CAPS2: variants seen among roughly 807,000 people sequenced by gnomAD.
CAPS2 encodes calcyphosine 2, also known as calcyphosin-2.
A neutral mutation model predicts 86.5 loss-of-function variants in CAPS2; 98 were observed. That is an observed-to-expected ratio of 1.13 (90% CI 0.96 to 1.34). CAPS2 has a LOEUF of 1.34. Ranked by LOEUF, CAPS2 falls within the 40% of genes most tolerant of loss-of-function variation. The probability of loss-of-function intolerance (pLI) is 0.00; values close to 1 mark genes in which losing one functional copy is unlikely to be tolerated. For missense variants in CAPS2, 729 were observed against 686.8 expected, an observed-to-expected ratio of 1.06 and a Z score of -0.69; for synonymous variants, 210 against 225.1, an observed-to-expected ratio of 0.93 and a Z score of 0.60.
chr12:75,309,945 G>A (rs1195940462), intron 7 of CAPS2, among the ~76,000 whole-genome samples: 23 of 152,158 alleles, frequency 1.5e-4, no homozygotes, highest in Admixed American at 1.5e-3. Context: ...AAGACATAGA[G>A]AAGGAAAATA....
intron 7 of CAPS2, among the ~76,000 whole-genome samples, chr12:75,311,756 A>G (rs187633695): frequency 4.3e-4 from 63 of 147,400 alleles, no homozygotes; most frequent in African/African-American, 1.5e-3. Context: ...CCTCAAAGAA[A>G]ATAAGGTTTC....
intron 15 of CAPS2, 61 bp from the exon 16 acceptor site, chr12:75,282,408 ACAGAGTCTCG>A: frequency 1.8e-6 from 2 of 1,104,762 alleles, no homozygotes; most frequent in Non-Finnish European, 2.8e-6. Context: ...TTGCTTTGAG[ACAGAGTCTCG>A]CTCTGTCACC....
chr12:75,325,193 T>C (rs764260073), intron 2 of CAPS2, 46 bp downstream of exon 3: 2 of 1,510,944 alleles, frequency 1.3e-6, no homozygotes, highest in Admixed American at 2.3e-5. Context: ...ATGTATGTTA[T>C]ATATGTGCCC....
upstream of CAPS2, among the ~76,000 whole-genome samples, chr12:75,328,193 T>C (rs2040965718): frequency 6.6e-6 from 1 of 152,190 alleles, no homozygotes; most frequent in Non-Finnish European, 1.5e-5. Flanking sequence ...TTGGGTTGGT[T>C]GTTTAATCAC....
chr12:75,317,753 T>C (rs1172846211), intron 5 of CAPS2, among the ~76,000 whole-genome samples: 1 of 152,166 alleles, frequency 6.6e-6, no homozygotes, highest in South Asian at 2.1e-4. Context: ...GATTATGTAA[T>C]CATTATCACA....
At chr12:75,335,363 G>GA (rs954545954) in intron 1 of CAPS2, among the ~76,000 whole-genome samples, 1 of 151,712 alleles carries the variant, frequency 6.6e-6, no homozygotes, top group Admixed American at 6.6e-5. Context: ...AGTATTATTT[G>GA]AAAAAAATAC....
intron 1 of CAPS2, among the ~76,000 whole-genome samples, chr12:75,341,007 G>A (rs1490437277): frequency 6.6e-6 from 1 of 151,654 alleles, no homozygotes; most frequent in Non-Finnish European, 1.5e-5. Flanking sequence ...AGCCACTCTA[G>A]GAAATAGTTT....
At chr12:75,298,530 T>G (rs1450022734) in intron 11 of CAPS2, 157 bp downstream of exon 11, 1 of 541,228 alleles carries the variant, frequency 1.8e-6, no homozygotes, top group African/African-American at 1.9e-5. Flanking sequence ...CAGAAGCTCC[T>G]GGCAAAACAT....
intron 5 of CAPS2, among the ~76,000 whole-genome samples, 177 bp from the exon 6 acceptor site, chr12:75,316,611 TAGGTGACCTCTCTGTGCCTC>T (rs1565888575): frequency 6.6e-6 from 1 of 152,156 alleles, no homozygotes; most frequent in African/African-American, 2.4e-5. Context: ...ACTTGCCCGC[TAGGTGACCTCTCTGTGCCTC>T]AGGTGACTTA....
chr12:75,318,691 G>A (rs1593502238), intron 5 of CAPS2, among the ~76,000 whole-genome samples: 1 of 152,032 alleles, frequency 6.6e-6, no homozygotes, highest in Non-Finnish European at 1.5e-5. Flanking sequence ...GACTTTCCTA[G>A]ATCCCTTCTA....
chr12:75,374,266 A>G (rs574757985), intron 1 of CAPS2, among the ~76,000 whole-genome samples: 57 of 152,332 alleles, frequency 3.7e-4, no homozygotes, highest in African/African-American at 1.3e-3. Flanking sequence ...TTCTAGACCC[A>G]CACTCAAAAC....
chr12:75,339,102 C>A (rs1162117168), intron 1 of CAPS2, among the ~76,000 whole-genome samples: 1 of 152,082 alleles, frequency 6.6e-6, no homozygotes, highest in East Asian at 1.9e-4. Flanking sequence ...ATCTATATTC[C>A]TTTGGGTACA....
exon 8 of CAPS2, chr12:75,304,843 G>A: frequency 6.2e-7 from 1 of 1,611,610 alleles, no homozygotes; most frequent in South Asian, 1.1e-5. Flanking sequence ...TTTGCTCAAT[G>A]GCTAAATTTT....
chr12:75,390,400 G>A (rs1566056646), intron 1 of CAPS2: 1 of 456,226 alleles, frequency 2.2e-6, no homozygotes, highest in South Asian at 1.5e-5. Context: ...AGAAGAAGTA[G>A]AAATGTTTTA....
At chr12:75,381,395 T>C (rs979693026) in intron 1 of CAPS2, among the ~76,000 whole-genome samples, 1 of 152,080 alleles carries the variant, frequency 6.6e-6, no homozygotes, top group Admixed American at 6.6e-5. Context: ...GAAAACAAAC[T>C]AATACAGCGA....
At chr12:75,277,796 A>T (rs985078704) in exon 17 of CAPS2, 2 of 840,558 alleles carry the variant, frequency 2.4e-6, no homozygotes, top group South Asian at 5.5e-5. Context: ...TAGAAAATTT[A>T]AAATTATGAA....
chr12:75,336,475 A>C, intron 1 of CAPS2, among the ~76,000 whole-genome samples: 1 of 151,862 alleles, frequency 6.6e-6, no homozygotes, highest in East Asian at 1.9e-4. Context: ...GAAAAAATAC[A>C]TTATGCAAAC....
intron 1 of CAPS2, among the ~76,000 whole-genome samples, chr12:75,386,949 A>G (rs138354386): frequency 6.6e-6 from 1 of 152,350 alleles, no homozygotes; most frequent in African/African-American, 2.4e-5. Context: ...ATACAAAAGT[A>G]TAAACTCCCA....
Position 75,316,306 on chromosome 12 carries a change from A to G in CAPS2, c.591+6T>C, listed in dbSNP as rs1242672262. The G allele has an allele frequency of 1.3e-6, 2 of 1,550,422 alleles. No homozygotes were observed. The highest frequency in any genetic ancestry group is 3.9e-5 in the Admixed American group (2 of 50,928). Reference sequence around the variant, plus strand: ...CACCAAATAAGTAAAAATGCTGACAACTTACTGCATCCAATTTTCTTGCCC... The same window carrying G: ...CACCAAATAAGTAAAAATGCTGACAGCTTACTGCATCCAATTTTCTTGCCC... On this transcript the variant is annotated splice_donor_region_variant and intron_variant, in intron 6 of 16. Transcript: ENST00000393284.
Sources: gnomAD v4.1 joint callset for allele counts (sites outside exome capture counted in the v4.1 genomes callset) on GRCh38, gnomAD v4.1.1 for gene constraint, MANE v1.5 for transcripts, NCBI Gene and HGNC (gene_info 2026-07-23, HGNC 2026-07-21) for gene names.